Variants in G2E3 observed in about 807,000 individuals in gnomAD.
G2E3 encodes G2/M-phase specific E3 ubiquitin protein ligase.
Under a neutral mutation model 92.8 loss-of-function variants are expected in G2E3, and 35 were observed. That is an observed-to-expected ratio of 0.38 (90% CI 0.29 to 0.50). The LOEUF is 0.50. Ranked by LOEUF, G2E3 falls within the 20% of genes least tolerant of loss-of-function variation. The probability of loss-of-function intolerance (pLI) is 0.94; values close to 1 mark genes in which losing one functional copy is unlikely to be tolerated. For synonymous variants in G2E3, 242 were observed against 272.4 expected (o/e 0.89, Z 1.10); for missense variants, 554 against 823.8 (o/e 0.67, Z 4.01).
At chr14:30,587,145 G>A (rs880979) in intron 3 of G2E3, among the ~76,000 whole-genome samples, 5,940 of 152,250 alleles carry the variant, frequency 0.039, 157 homozygotes, top group South Asian at 0.087. Flanking sequence ...TTTGTTGCTA[G>A]TGATAAATCT....
chr14:30,576,106 C>T (rs1039515255), intron 1 of G2E3, among the ~76,000 whole-genome samples: 1 of 152,066 alleles, frequency 6.6e-6, no homozygotes, highest in African/African-American at 2.4e-5. Flanking sequence ...TCACATTACC[C>T]ATCTTCAAAC....
intron 1 of G2E3, among the ~76,000 whole-genome samples, chr14:30,563,958 A>T (rs1279517053): frequency 1.3e-5 from 2 of 152,258 alleles, no homozygotes; most frequent in East Asian, 1.9e-4. Flanking sequence ...ACCTCAAGGG[A>T]TCTGCCCGCT....
intron 1 of G2E3, among the ~76,000 whole-genome samples, chr14:30,579,635 T>A (rs1880315281): frequency 6.6e-6 from 1 of 152,216 alleles, no homozygotes; most frequent in African/African-American, 2.4e-5. Flanking sequence ...CACTCTTTGA[T>A]ATATAATATT....
At chr14:30,608,191 ATTTC>A in intron 12 of G2E3, 122 bp downstream of exon 12, 1 of 584,984 alleles carries the variant, frequency 1.7e-6, no homozygotes, top group Non-Finnish European at 2.8e-6. Flanking sequence ...GTAAACATAT[ATTTC>A]TGTTTACCAG....
intron 13 of G2E3, among the ~76,000 whole-genome samples, chr14:30,614,006 T>C: frequency 6.6e-6 from 1 of 152,100 alleles, no homozygotes. Context: ...TCATTTTTTA[T>C]TTTTAGTGAT....
Position 30,598,381 on chromosome 14 carries a change from C to T in G2E3, c.636-102C>T, listed in dbSNP as rs1291421109. On this transcript the variant is annotated intron_variant, in intron 7 of 14. Transcript: ENST00000206595. ...CAGCCTGGGCGAAAGAGCAAGACTG[C>T]GTCTCAAGAACAAAAAAAGGTTTTT... 6 of 753,486 alleles carry T rather than the reference C, an allele frequency of 8.0e-6. No homozygotes were observed. In the African/African-American group the frequency reaches 8.7e-5, roughly 11 times the overall value. The allele number at this position is 753,486 out of a possible 1,614,324, so 46.7% of individuals were successfully genotyped here. A position where few individuals can be genotyped will look rare whatever the true frequency, so the allele number is the denominator to read the frequency against.
rs1880999040 is a variant in G2E3 at position 30,591,290 on chromosome 14, A to T, written c.238-1033A>T. On this transcript the variant is annotated intron_variant, in intron 4 of 14. Transcript: ENST00000206595. ...AATCCCTGAATCAGTGACCATTTTA[A>T]TTGCCGTCTTAAGGGTTCCAAGGTG... 2.0e-5 allele frequency among the ~76,000 whole-genome samples: 3 copies of T among 152,068 alleles called. No individual in the cohort carries two copies. In the South Asian group the frequency reaches 6.2e-4, roughly 31 times the overall value.
At chr14:30,608,664 C>T (rs903489745) in intron 12 of G2E3, among the ~76,000 whole-genome samples, 1 of 152,242 alleles carries the variant, frequency 6.6e-6, no homozygotes, top group Non-Finnish European at 1.5e-5. Context: ...TGCAAACACT[C>T]ATTTATCATA....
intron 6 of G2E3, among the ~76,000 whole-genome samples, chr14:30,596,498 G>A (rs926145250): frequency 2.0e-5 from 3 of 151,902 alleles, no homozygotes; most frequent in East Asian, 1.9e-4. Context: ...CTCTCTTGCC[G>A]GGGAAACTTC....
At chr14:30,599,736 TAA>T (rs1271610080) in intron 8 of G2E3, among the ~76,000 whole-genome samples, 1 of 152,162 alleles carries the variant, frequency 6.6e-6, no homozygotes, top group Non-Finnish European at 1.5e-5. Context: ...AACAAAATTA[TAA>T]CATTTTGGAA....
At chr14:30,594,529 A>T (rs918123048) in intron 6 of G2E3, among the ~76,000 whole-genome samples, 13 of 151,858 alleles carry the variant, frequency 8.6e-5, no homozygotes, top group Non-Finnish European at 1.9e-4. Flanking sequence ...CTCTACTAAA[A>T]ATACAAAAAA....
chr14:30,609,721 T>G (rs1034582456), intron 12 of G2E3, among the ~76,000 whole-genome samples: 1 of 152,150 alleles, frequency 6.6e-6, no homozygotes, highest in Non-Finnish European at 1.5e-5. Context: ...TTCCCAGAAT[T>G]TTTTGTTTGA....
chr14:30,593,090 T>A (rs1023721137), intron 5 of G2E3, among the ~76,000 whole-genome samples: 2 of 152,206 alleles, frequency 1.3e-5, no homozygotes, highest in Admixed American at 1.3e-4. Context: ...ATGTGTTATA[T>A]GACTAAACTA....
chr14:30,563,419 CTGG>C (rs1211285693), intron 1 of G2E3, among the ~76,000 whole-genome samples: 19 of 152,076 alleles, frequency 1.2e-4, no homozygotes, highest in Admixed American at 1.2e-3. Context: ...CCCAACAAAA[CTGG>C]TACAGGTATT....
intron 13 of G2E3, among the ~76,000 whole-genome samples, chr14:30,614,434 C>T (rs1233512440): frequency 1.3e-5 from 2 of 152,202 alleles, no homozygotes; most frequent in African/African-American, 4.8e-5. Context: ...GAGCACTCAA[C>T]CCATAGGTGT....
intron 1 of G2E3, among the ~76,000 whole-genome samples, chr14:30,568,409 A>T (rs1045664596): frequency 3.3e-5 from 5 of 152,106 alleles, no homozygotes; most frequent in Non-Finnish European, 2.9e-5. Context: ...TTTACATTTA[A>T]TTACTGTTAA....
At chr14:30,575,781 G>T (rs1435210172) in intron 1 of G2E3, among the ~76,000 whole-genome samples, 2 of 152,096 alleles carry the variant, frequency 1.3e-5, no homozygotes, top group African/African-American at 4.8e-5. Context: ...GCTACAAAAA[G>T]AATGAAATAC....
chr14:30,569,819 G>T (rs150801701), intron 1 of G2E3, among the ~76,000 whole-genome samples: 2 of 152,274 alleles, frequency 1.3e-5, no homozygotes, highest in Non-Finnish European at 2.9e-5. Flanking sequence ...GGCAGAATCA[G>T]CAAGAGCAAC....
intron 11 of G2E3, among the ~76,000 whole-genome samples, chr14:30,607,372 AC>A: frequency 6.6e-6 from 1 of 152,316 alleles, no homozygotes; most frequent in African/African-American, 2.4e-5. Flanking sequence ...CCTACTACAC[AC>A]CAAGGCTCTA....
Sources: gnomAD v4.1 joint callset for allele counts (sites outside exome capture counted in the v4.1 genomes callset) on GRCh38, gnomAD v4.1.1 for gene constraint, MANE v1.5 for transcripts, NCBI Gene and HGNC (gene_info 2026-07-23, HGNC 2026-07-21) for gene names.